PTPRD: variants seen among roughly 807,000 people sequenced by gnomAD.
The protein encoded by PTPRD is protein tyrosine phosphatase receptor type D, also known as receptor-type tyrosine-protein phosphatase delta.
In PTPRD, 34 loss-of-function variants were observed where a neutral mutation model predicts 214.5. That is an observed-to-expected ratio of 0.16 (90% confidence interval 0.12 to 0.21). The LOEUF is 0.21. Among genes scored for constraint, PTPRD ranks in the 10% least tolerant of loss-of-function variants. The probability of loss-of-function intolerance (pLI) is 1.00; values close to 1 mark genes in which losing one functional copy is unlikely to be tolerated. For missense variants in PTPRD, 2,545 were observed against 2,398.7 expected, an observed-to-expected ratio of 1.06 and a Z score of -1.27; for synonymous variants, 1,128 against 845.7, an observed-to-expected ratio of 1.33 and a Z score of -5.79.
chr9:10,135,736 T>C (rs899995202), intron 3 of PTPRD, among the ~76,000 whole-genome samples: 1 of 151,896 alleles, frequency 6.6e-6, no homozygotes, highest in Non-Finnish European at 1.5e-5. Context: ...GGAATACTAA[T>C]AATAGAAATG....
intron 12 of PTPRD, among the ~76,000 whole-genome samples, chr9:8,677,888 G>T (rs563611299): frequency 6.6e-6 from 1 of 152,198 alleles, no homozygotes; most frequent in East Asian, 1.9e-4. Flanking sequence ...CAGAGGAAGG[G>T]GAAAGCAGCA....
At chr9:10,490,580 C>G (rs1468212625) in intron 2 of PTPRD, among the ~76,000 whole-genome samples, 1 of 152,102 alleles carries the variant, frequency 6.6e-6, no homozygotes. Context: ...GTTTATTTGT[C>G]ATTAGTTTGG....
At chr9:8,708,037 T>C (rs934588370) in intron 12 of PTPRD, among the ~76,000 whole-genome samples, 16 of 152,174 alleles carry the variant, frequency 1.1e-4, no homozygotes, top group Non-Finnish European at 1.9e-4. Context: ...CTCTGCACCA[T>C]GCAAGAAAAC....
At chr9:10,059,231 T>C (rs760521073) in intron 3 of PTPRD, among the ~76,000 whole-genome samples, 2 of 152,116 alleles carry the variant, frequency 1.3e-5, no homozygotes, top group Non-Finnish European at 2.9e-5. Context: ...AGTTTAGACA[T>C]GTTCTTCACA....
intron 2 of PTPRD, among the ~76,000 whole-genome samples, chr9:10,514,277 A>T (rs10756043): frequency 4.6e-5 from 7 of 150,814 alleles, no homozygotes; most frequent in African/African-American, 9.7e-5. Flanking sequence ...TCTTTTATGT[A>T]TTTTTTTTTA....
At chr9:8,373,929 T>A (rs1023949967) in intron 39 of PTPRD, among the ~76,000 whole-genome samples, 1 of 143,512 alleles carries the variant, frequency 7.0e-6, no homozygotes. Context: ...TACCTACCTA[T>A]CTCAGTTTTC....
In PTPRD at chr9:10,063,562, C is replaced by T. The variant is rs532327948; in HGVS notation, c.-544-29772G>A. On this transcript the variant is annotated intron_variant, in intron 3 of 45. Coordinates refer to ENST00000381196, the MANE Select transcript of PTPRD (RefSeq NM_002839.4). ...TTAGCTTTCACATCTTTGAACTGAA[C>T]AGATAGCTACTCTATGGCAGAATAC... Among the ~76,000 whole-genome samples the T allele has an allele frequency of 2.6e-5, 4 of 152,072 alleles. No homozygotes were observed. The East Asian group carries it at 7.8e-4, about 30-fold the overall frequency.
chr9:8,804,396 G>C (rs1286844887), intron 11 of PTPRD, among the ~76,000 whole-genome samples: 1 of 151,752 alleles, frequency 6.6e-6, no homozygotes, highest in Non-Finnish European at 1.5e-5. Context: ...CCACAAATTT[G>C]AGACCAGCCT....
chr9:8,690,852 T>C (rs2097786857), intron 12 of PTPRD, among the ~76,000 whole-genome samples: 1 of 152,188 alleles, frequency 6.6e-6, no homozygotes, highest in Non-Finnish European at 1.5e-5. Flanking sequence ...GGACTTTGAA[T>C]ATTCAAGTAC....
intron 3 of PTPRD, among the ~76,000 whole-genome samples, chr9:10,085,750 C>T (rs2098327034): frequency 6.6e-6 from 1 of 151,790 alleles, no homozygotes; most frequent in Non-Finnish European, 1.5e-5. Context: ...AACAACTCCC[C>T]AGGTGAAACA....
At chr9:9,127,261 G>C (rs371329298) in intron 10 of PTPRD, among the ~76,000 whole-genome samples, 5 of 152,166 alleles carry the variant, frequency 3.3e-5, no homozygotes, top group African/African-American at 1.2e-4. Context: ...CATAGACAGT[G>C]ACCCAGCTGG....
chr9:10,386,314 C>G lies in PTPRD; in HGVS notation c.-599-45297G>C, dbSNP rs150726611. 7.2e-5 allele frequency among the ~76,000 whole-genome samples: 11 copies of G among 151,966 alleles called. No individual in the cohort carries two copies. In the East Asian group the frequency reaches 2.0e-3, roughly 27 times the overall value. On this transcript the variant is annotated intron_variant, in intron 2 of 45. Transcript: ENST00000381196. ...TTCCCCTCCTTTCCACATTGCTATA[C>G]AATGGATATTTTGGTCTTCTCATTC...
rs2097390841 is a variant in PTPRD at position 8,500,936 on chromosome 9, T to C, written c.1946A>G (p.Tyr649Cys). The stretch of plus-strand genomic sequence containing the variant: ...GTCATCTTCCCCATCCACTGCAGTG[T>C]ACTTGATGGAGTATTCAGTGATAAT... ...NGIITEYSIK[Y>C]TAVDGEDDKP... is the part of the protein sequence containing the mutation. The change falls in exon 24 of 46, where the codon TAC becomes TGC. Residue 649 changes from tyrosine (Y) to cysteine (C), a missense_variant. Tyr to Cys is a radical substitution (Grantham distance 194). Coordinates refer to ENST00000381196, the MANE Select transcript of PTPRD (RefSeq NM_002839.4). 9 of 1,614,116 alleles carry C rather than the reference T, an allele frequency of 5.6e-6. No individual in the cohort carries two copies. The highest frequency in any genetic ancestry group is 1.7e-5 in the Admixed American group (1 of 60,010).
At chr9:9,454,593 G>A (rs530585331) in intron 8 of PTPRD, among the ~76,000 whole-genome samples, 1 of 151,576 alleles carries the variant, frequency 6.6e-6, no homozygotes, top group Non-Finnish European at 1.5e-5. Context: ...ATTGCAAAAG[G>A]TTTTGAATAG....
chr9:8,650,245 T>C (rs1042259341), intron 12 of PTPRD, among the ~76,000 whole-genome samples: 15 of 151,716 alleles, frequency 9.9e-5, no homozygotes, highest in African/African-American at 3.4e-4. Context: ...AATGTGGATA[T>C]GTGGACGGGC....
chr9:9,791,486 G>A (rs2098966908), intron 5 of PTPRD, among the ~76,000 whole-genome samples: 1 of 152,006 alleles, frequency 6.6e-6, no homozygotes, highest in Admixed American at 6.5e-5. Context: ...ATCTTGTGTG[G>A]AATCATAAAA....
intron 9 of PTPRD, among the ~76,000 whole-genome samples, chr9:9,194,541 T>C (rs1428168305): frequency 6.6e-6 from 1 of 152,116 alleles, no homozygotes; most frequent in Non-Finnish European, 1.5e-5. Flanking sequence ...TCCATTATAA[T>C]CTCATGGGAC....
At chr9:9,801,665 G>C (rs967987032) in intron 5 of PTPRD, among the ~76,000 whole-genome samples, 1 of 152,050 alleles carries the variant, frequency 6.6e-6, no homozygotes, top group Admixed American at 6.6e-5. Flanking sequence ...GTCAATAATT[G>C]TTTTGAGTTT....
At chr9:10,228,393 T>A (rs1158006895) in intron 3 of PTPRD, among the ~76,000 whole-genome samples, 1 of 152,048 alleles carries the variant, frequency 6.6e-6, no homozygotes, top group Non-Finnish European at 1.5e-5. Context: ...ATTAAACACT[T>A]AGCATTAGCC....
Sources: allele counts gnomAD v4.1 joint callset (sites outside exome capture counted in the v4.1 genomes callset), GRCh38; gene constraint gnomAD v4.1.1; transcripts MANE v1.5; gene names NCBI Gene and HGNC (gene_info 2026-07-23, HGNC 2026-07-21).